Variants in DPYSL2 observed in about 807,000 individuals in gnomAD.
DPYSL2 encodes the protein dihydropyrimidinase-related protein 2.
DPYSL2 carries 13 observed loss-of-function variants against 69.9 expected under a neutral mutation model. The observed-to-expected ratio is 0.19, with a 90% CI of 0.12 to 0.30. The LOEUF (loss-of-function observed/expected upper bound fraction) is 0.30. Among genes scored for constraint, DPYSL2 ranks in the 10% least tolerant of loss-of-function variants. DPYSL2 has a pLI of 1.00. For missense variants in DPYSL2, 587 were observed against 918.9 expected (o/e 0.64, Z 4.67); for synonymous variants, 326 against 359.1 (o/e 0.91, Z 1.04).
chr8:26,579,240 C>T (rs1563394589), intron 1 of DPYSL2, among the ~76,000 whole-genome samples: 1 of 152,220 alleles, frequency 6.6e-6, no homozygotes, highest in African/African-American at 2.4e-5. Flanking sequence ...TTGCAAACCA[C>T]GGGGAAAACG....
At chr8:26,569,541 G>C (rs1180120247) in intron 1 of DPYSL2, among the ~76,000 whole-genome samples, 1 of 152,148 alleles carries the variant, frequency 6.6e-6, no homozygotes, top group African/African-American at 2.4e-5. Flanking sequence ...TTTAACTCTT[G>C]TTTGTTGAGT....
intron 3 of DPYSL2, among the ~76,000 whole-genome samples, chr8:26,604,579 A>G (rs1402429279): frequency 6.6e-6 from 1 of 152,162 alleles, no homozygotes; most frequent in African/African-American, 2.4e-5. Flanking sequence ...CTATGCTTTG[A>G]ACATACCTTT....
chr8:26,629,764 T>TTTTA (rs1563417588), intron 7 of DPYSL2, among the ~76,000 whole-genome samples: 14 of 152,074 alleles, frequency 9.2e-5, no homozygotes, highest in African/African-American at 2.4e-4. Context: ...ATTTTATTTT[T>TTTTA]TTTCCTTTTT....
intron 3 of DPYSL2, among the ~76,000 whole-genome samples, chr8:26,622,131 TTC>T (rs1224930589): frequency 3.8e-5 from 2 of 53,134 alleles, no homozygotes; most frequent in Admixed American, 1.8e-4. Flanking sequence ...CCTTCCTTCC[TTC>T]CTTCCTTCCT....
intron 3 of DPYSL2, among the ~76,000 whole-genome samples, chr8:26,601,561 T>C (rs567710714): frequency 6.6e-6 from 1 of 152,170 alleles, no homozygotes; most frequent in African/African-American, 2.4e-5. Context: ...GTATTTTTAG[T>C]AGAGATGGGG....
intron 1 of DPYSL2, among the ~76,000 whole-genome samples, chr8:26,521,000 A>G (rs926956921): frequency 1.3e-5 from 2 of 152,180 alleles, no homozygotes; most frequent in Non-Finnish European, 2.9e-5. Context: ...TGTTAATACC[A>G]TTCCACTAGG....
rs1158305345 is a variant in DPYSL2, at chr8:26,591,735, A to G, written c.628+7752A>G. On this transcript the variant is annotated intron_variant, in intron 3 of 13. Coordinates refer to ENST00000521913, the MANE Select transcript of DPYSL2 (RefSeq NM_001197293.3). The surrounding 1 kb of genome is among the most constrained non-coding windows in gnomAD (Gnocchi z 5.8). ...TGGCAGGTGGGCTGTGGGGGAGTCC[A>G]GATCCTCTCCGCTTTCTCTTTGTCA... Among the ~76,000 whole-genome samples, 1 of 152,212 alleles carries G rather than the reference A, an allele frequency of 6.6e-6. No homozygotes were observed. The highest frequency in any genetic ancestry group is 2.1e-4 in the South Asian group (1 of 4,836).
chr8:26,555,255 T>C (rs1800927090), intron 1 of DPYSL2, among the ~76,000 whole-genome samples: 1 of 151,180 alleles, frequency 6.6e-6, no homozygotes. Context: ...TCCTAGGTAA[T>C]ACAAGAAGCA....
chr8:26,651,349 C>T (rs1803275953), intron 11 of DPYSL2, among the ~76,000 whole-genome samples: 1 of 152,208 alleles, frequency 6.6e-6, no homozygotes, highest in African/African-American at 2.4e-5. Context: ...GCTCTCTGTT[C>T]AGAGGCCAGC....
intron 3 of DPYSL2, among the ~76,000 whole-genome samples, chr8:26,613,371 C>A (rs1256241639): frequency 6.6e-6 from 1 of 152,192 alleles, no homozygotes; most frequent in Non-Finnish European, 1.5e-5. Context: ...CATTCCAGGG[C>A]CCAGGCCATG....
chr8:26,656,716 C>A lies in DPYSL2; in HGVS notation c.*1010C>A, dbSNP rs546783942. 6.5e-6 allele frequency: 1 copy of A among 152,698 alleles called. No homozygotes were observed. Among genetic ancestry groups the A allele is most frequent in the African/African-American group, 2.4e-5 (1 of 41,444 alleles). 9.5% of individuals were successfully genotyped at this position (152,698 alleles called of 1,614,324 possible). A position where few individuals can be genotyped will look rare whatever the true frequency, so the allele number is the denominator to read the frequency against. ...TCCATGTAGGACTGGTGCTAACCACCTGCCATCATGAGGATGTGTGCTAGA... is the reference window on the plus strand; with the variant it reads ...TCCATGTAGGACTGGTGCTAACCACATGCCATCATGAGGATGTGTGCTAGA... On this transcript the variant is annotated 3_prime_UTR_variant, in exon 14 of 14. Transcript: ENST00000521913.
At position 26,560,260 on chromosome 8, in the gene DPYSL2, C is replaced by T. The variant is rs534116988; in HGVS notation, c.355-21709C>T. ...ACAAAACAGGGTATATTTCCATTCTCCAGGTCAGGCCTTCCATGGATTATT... is the reference window on the plus strand; with the variant it reads ...ACAAAACAGGGTATATTTCCATTCTTCAGGTCAGGCCTTCCATGGATTATT... On this transcript the variant is annotated intron_variant, in intron 1 of 13. Transcript: ENST00000521913. The surrounding 1 kb of genome is among the most constrained non-coding windows in gnomAD (Gnocchi z 4.4). 6.6e-6 allele frequency among the ~76,000 whole-genome samples: 1 copy of T among 152,278 alleles called. No homozygotes were observed. The highest frequency in any genetic ancestry group is 2.1e-4 in the South Asian group (1 of 4,830).
chr8:26,549,914 A>T (rs1039798966), intron 1 of DPYSL2, among the ~76,000 whole-genome samples: 1 of 152,362 alleles, frequency 6.6e-6, no homozygotes, highest in Admixed American at 6.5e-5. Flanking sequence ...ATGTTAAAAA[A>T]AAAATCTTCA....
In DPYSL2 at chr8:26,586,009, C is replaced by T. The variant is rs1223163805; in HGVS notation, c.628+2026C>T. The stretch of plus-strand genomic sequence containing the variant: ...GTCCCAGCTACTTGGGAGGCTGAGG[C>T]AGGAGAATCTTTGAACCTGGGAGGC... On this transcript the variant is annotated intron_variant, in intron 3 of 13. Coordinates refer to ENST00000521913, the MANE Select transcript of DPYSL2 (RefSeq NM_001197293.3). This position sits in a 1 kb window ranked among gnomAD's most constrained non-coding sequence, Gnocchi z 4.7. Among the ~76,000 whole-genome samples, 1 of 152,098 alleles carries T rather than the reference C, an allele frequency of 6.6e-6. No individual in the cohort carries two copies. Among genetic ancestry groups the T allele is most frequent in the Non-Finnish European group, 1.5e-5 (1 of 68,012 alleles).
At position 26,614,156 on chromosome 8, in the gene DPYSL2, A is replaced by C. The variant is rs550692786; in HGVS notation, c.629-9987A>C. On this transcript the variant is annotated intron_variant, in intron 3 of 13. Transcript: ENST00000521913. This position sits in a 1 kb window ranked among gnomAD's most constrained non-coding sequence, Gnocchi z 4.9. The stretch of plus-strand genomic sequence containing the variant: ...AAAAATAAATAAAAGATAAAAAATA[A>C]AGAAAATGAGGGTGGAGGAAGAAGA... Among the ~76,000 whole-genome samples, 3 of 152,252 alleles carry C rather than the reference A, an allele frequency of 2.0e-5. No homozygotes were observed. Among genetic ancestry groups the C allele is most frequent in the African/African-American group, 7.2e-5 (3 of 41,556 alleles).
Position 26,586,716 on chromosome 8 carries a change from G to A in DPYSL2, c.628+2733G>A, listed in dbSNP as rs1433143413. Among the ~76,000 whole-genome samples, 1 of 152,200 alleles carries A rather than the reference G, an allele frequency of 6.6e-6. No individual in the cohort carries two copies. The highest frequency in any genetic ancestry group is 2.4e-5 in the African/African-American group (1 of 41,462). On this transcript the variant is annotated intron_variant, in intron 3 of 13. Coordinates refer to ENST00000521913, the MANE Select transcript of DPYSL2 (RefSeq NM_001197293.3). This position sits in a 1 kb window ranked among gnomAD's most constrained non-coding sequence, Gnocchi z 4.7. ...CCCTCTGAGTGCAGCACCTGGCCCA[G>A]GGAGCTCAGAAGAGTCAGCAGATGG...
rs779961617 is a variant in DPYSL2, at chr8:26,617,651, C to T, written c.629-6492C>T. 1.3e-5 allele frequency among the ~76,000 whole-genome samples: 2 copies of T among 152,180 alleles called. No individual in the cohort carries two copies. The highest frequency in any genetic ancestry group is 2.9e-5 in the Non-Finnish European group (2 of 68,034). ...ATCCAAAATGCAGAACATTAGGGAA[C>T]CGCTTGAGGCAGGAGGGGAAGGAAG... On this transcript the variant is annotated intron_variant, in intron 3 of 13. Coordinates refer to ENST00000521913, the MANE Select transcript of DPYSL2 (RefSeq NM_001197293.3). This position sits in a 1 kb window ranked among gnomAD's most constrained non-coding sequence, Gnocchi z 4.7.
chr8:26,598,747 C>T lies in DPYSL2; in HGVS notation c.628+14764C>T, dbSNP rs1176291123. On this transcript the variant is annotated intron_variant, in intron 3 of 13. Transcript: ENST00000521913. This position sits in a 1 kb window ranked among gnomAD's most constrained non-coding sequence, Gnocchi z 4.2. ...CTTGTGGGTGGATGGGAGCCTGACA[C>T]CTGATTACAAGCTCCAGGTGAAGAG... 2.0e-5 allele frequency among the ~76,000 whole-genome samples: 3 copies of T among 152,196 alleles called. No homozygotes were observed. The highest frequency in any genetic ancestry group is 4.4e-5 in the Non-Finnish European group (3 of 68,038).
chr8:26,623,030 A>G (rs1802533262), intron 3 of DPYSL2, among the ~76,000 whole-genome samples: 1 of 152,140 alleles, frequency 6.6e-6, no homozygotes, highest in African/African-American at 2.4e-5. Flanking sequence ...TTCAGTTTGT[A>G]TTTTAGTGCT....
Sources: gnomAD v4.1 joint callset for allele counts (sites outside exome capture counted in the v4.1 genomes callset) on GRCh38, gnomAD v4.1.1 for gene constraint, Gnocchi (gnomAD v3.1) non-coding constraint, MANE v1.5 for transcripts, NCBI Gene and HGNC (gene_info 2026-07-23, HGNC 2026-07-21) for gene names.